MICAL2: variants seen among roughly 807,000 people sequenced by gnomAD.
MICAL2 encodes [F-actin]-monooxygenase MICAL2.
Under a neutral mutation model 127.3 loss-of-function variants are expected in MICAL2, and 77 were observed. The observed-to-expected ratio is 0.60, with a 90% CI of 0.50 to 0.73. MICAL2 has a LOEUF of 0.73. Among genes scored for constraint, MICAL2 ranks in the 30% least tolerant of loss-of-function variants. The probability of loss-of-function intolerance (pLI) is 0.00; values close to 1 mark genes in which losing one functional copy is unlikely to be tolerated. For synonymous variants in MICAL2, 570 were observed against 551.1 expected, an observed-to-expected ratio of 1.03 and a Z score of -0.48; for missense variants, 1,351 against 1,434.4, an observed-to-expected ratio of 0.94 and a Z score of 0.94.
intron 29 of MICAL2, among the ~76,000 whole-genome samples, chr11:12,302,498 A>C (rs1864058877): frequency 6.6e-6 from 1 of 152,008 alleles, no homozygotes; most frequent in Admixed American, 6.6e-5. Flanking sequence ...TTATGGTTTT[A>C]ATTTGCATTT....
chr11:12,341,704 G>A (rs1204837535), intron 32 of MICAL2, among the ~76,000 whole-genome samples: 1 of 152,114 alleles, frequency 6.6e-6, no homozygotes, highest in Non-Finnish European at 1.5e-5. Flanking sequence ...GCGCATGCCT[G>A]TAGTCCCAGC....
In MICAL2 at chr11:12,111,510, G is replaced by A. The variant is rs1048786091; in HGVS notation, c.-149+784G>A. Among the ~76,000 whole-genome samples, 2 of 152,272 alleles carry A rather than the reference G, an allele frequency of 1.3e-5. 1 individual carries two copies. Among genetic ancestry groups the A allele is most frequent in the Admixed American group, 1.3e-4 (2 of 15,290 alleles). On this transcript the variant is annotated intron_variant, in intron 1 of 27. Coordinates refer to ENST00000683283, the MANE Select transcript of MICAL2 (RefSeq NM_001282663.2). ...ATTGTATTCACCGCCAGCCTCACTG[G>A]CAGAGCTGGGAACGGCCTTTACTGG...
At chr11:12,160,280 C>T (rs750611262) in intron 2 of MICAL2, among the ~76,000 whole-genome samples, 5 of 152,200 alleles carry the variant, frequency 3.3e-5, no homozygotes, top group Non-Finnish European at 7.4e-5. Context: ...CTTCCCCCTT[C>T]TCTTCCGGCT....
chr11:12,349,962 G>A (rs1939019720), intron 33 of MICAL2: 3 of 1,603,058 alleles, frequency 1.9e-6, no homozygotes, highest in Non-Finnish European at 1.7e-6. Flanking sequence ...ACAGATACCA[G>A]CGAGTCCTAA....
chr11:12,309,046 A>G (rs1054019141), intron 29 of MICAL2, among the ~76,000 whole-genome samples: 2 of 152,018 alleles, frequency 1.3e-5, no homozygotes, highest in Non-Finnish European at 1.5e-5. Context: ...ACTTTTTTGT[A>G]TTTTTTACTT....
intron 1 of MICAL2, among the ~76,000 whole-genome samples, chr11:12,111,871 C>T (rs539115733): frequency 6.6e-6 from 1 of 152,302 alleles, no homozygotes; most frequent in Admixed American, 6.5e-5. Context: ...GCAGTCGACC[C>T]AACAAGTGGG....
In MICAL2 at chr11:12,242,364, C is replaced by G. The variant is rs765267484; in HGVS notation, c.2488C>G (p.Arg830Gly). ...AAATTTCGCTACCCTGCCTTCTACC[C>G]GCCCGAGGGCGCAGGCTCTTTCCGG... Reference protein sequence around the residue: ...TENFATLPSTRPRAQALSGVL... With the variant: ...TENFATLPSTGPRAQALSGVL... The change falls in exon 19 of 28, where the codon CGC becomes GGC. Residue 830 changes from arginine to glycine, a missense_variant. Coordinates refer to ENST00000683283, the MANE Select transcript of MICAL2 (RefSeq NM_001282663.2). 6.2e-6 allele frequency: 10 copies of G among 1,613,902 alleles called. No homozygotes were observed. In the African/African-American group the frequency reaches 1.2e-4, roughly 19 times the overall value.
chr11:12,110,908 A>G lies in MICAL2; in HGVS notation c.-149+182A>G, dbSNP rs112568722. Among the ~76,000 whole-genome samples the G allele has an allele frequency of 4.7e-4, 71 of 152,268 alleles. No homozygotes were observed. Among genetic ancestry groups the G allele is most frequent in the African/African-American group, 1.6e-3 (67 of 41,564 alleles). Reference sequence around the variant, plus strand: ...ACAGTGAGCAGGTGGCGCTGCGACGAAGCCCGGGGCGGCCCTGGCCGGCCT... The same window carrying G: ...ACAGTGAGCAGGTGGCGCTGCGACGGAGCCCGGGGCGGCCCTGGCCGGCCT... On this transcript the variant is annotated intron_variant, in intron 1 of 27. Transcript: ENST00000683283. This position sits in a 1 kb window ranked among gnomAD's most constrained non-coding sequence, Gnocchi z 4.5.
At chr11:12,325,607 A>C (rs2134850190) in intron 31 of MICAL2, among the ~76,000 whole-genome samples, 1 of 152,324 alleles carries the variant, frequency 6.6e-6, no homozygotes, top group South Asian at 2.1e-4. Context: ...TGCCTTCTTC[A>C]TGTGTCCTCA....
chr11:12,323,912 C>T (rs903213), intron 30 of MICAL2: 1,415,284 of 1,527,638 alleles, frequency 0.93, 656,010 homozygotes, highest in East Asian at 0.95. Flanking sequence ...AAGCCTATAA[C>T]GATATTTTGT....
At chr11:12,319,888 G>A (rs985872344) in intron 30 of MICAL2, 9 of 1,057,202 alleles carry the variant, frequency 8.5e-6, no homozygotes, top group Non-Finnish European at 1.3e-5. Flanking sequence ...AACCAATGTG[G>A]GCTCCAGCTG....
rs1183507630 is a variant in MICAL2, at chr11:12,242,308, C to A, written c.2432C>A (p.Ala811Asp). Residue 811 changes from alanine (A) to aspartate (D), a missense_variant, in exon 19 of 28, where the codon GCC (alanine) becomes GAC (aspartate). Physicochemically the swap from Ala to Asp is moderately radical, Grantham distance 126. This residue lies in a region of MICAL2 where 752 missense variants were observed against 719.4 expected (regional missense o/e 1.05). Coordinates refer to ENST00000683283, the MANE Select transcript of MICAL2 (RefSeq NM_001282663.2). Reference sequence around the variant, plus strand: ...CTGAGCAGACCTTGGAGAGCCAGAGCCAAGTCTGACCTACAGCTGGGTGGG... The same window carrying A: ...CTGAGCAGACCTTGGAGAGCCAGAGACAAGTCTGACCTACAGCTGGGTGGG... The part of the protein sequence containing the change: ...ECLSRPWRAR[A>D]KSDLQLGGTE... The A allele has an allele frequency of 1.2e-6, 2 of 1,614,154 alleles. 1 individual carries two copies. Among genetic ancestry groups the A allele is most frequent in the South Asian group, 2.2e-5 (2 of 91,076 alleles).
chr11:12,236,397 G>A (rs1245718668), intron 16 of MICAL2, 152 bp downstream of exon 16: 5 of 697,616 alleles, frequency 7.2e-6, no homozygotes, highest in Non-Finnish European at 1.3e-5. Context: ...AAACAGTTGG[G>A]GTTTTGGATC....
chr11:12,304,562 G>A (rs1335485787), intron 29 of MICAL2, among the ~76,000 whole-genome samples: 2 of 152,166 alleles, frequency 1.3e-5, no homozygotes, highest in East Asian at 3.9e-4. Context: ...TTGAACTTGG[G>A]AGACTGAGGT....
chr11:12,293,996 A>G, downstream of MICAL2: 2 of 1,614,158 alleles, frequency 1.2e-6, no homozygotes, highest in Non-Finnish European at 1.7e-6. Flanking sequence ...GGAGCAGAAG[A>G]CCATGTTGTT....
intron 33 of MICAL2, among the ~76,000 whole-genome samples, chr11:12,354,568 G>A (rs898903429): frequency 1.3e-5 from 2 of 152,242 alleles, no homozygotes; most frequent in South Asian, 2.1e-4. Context: ...GACCTGGGGG[G>A]CGAAGGTTGC....
At chr11:12,300,707 G>C (rs1239655173) in intron 29 of MICAL2, among the ~76,000 whole-genome samples, 2 of 152,164 alleles carry the variant, frequency 1.3e-5, no homozygotes, top group Non-Finnish European at 2.9e-5. Flanking sequence ...AGAGAACCCT[G>C]AGCTATAGAT....
At chr11:12,153,031 T>TTTG (rs1565049231) in intron 2 of MICAL2, among the ~76,000 whole-genome samples, 9 of 152,170 alleles carry the variant, frequency 5.9e-5, no homozygotes, top group African/African-American at 1.9e-4. Flanking sequence ...TTAACCTTTT[T>TTTG]TTTGTTTGTT....
chr11:12,334,211 G>A (rs1000964928), intron 32 of MICAL2, among the ~76,000 whole-genome samples: 1 of 152,136 alleles, frequency 6.6e-6, no homozygotes. Flanking sequence ...ACCAAAATTT[G>A]AGGATGCTCA....
Sources: allele counts gnomAD v4.1 joint callset (sites outside exome capture counted in the v4.1 genomes callset), GRCh38; gene constraint gnomAD v4.1.1; regional missense constraint gnomAD v4.1.1; non-coding constraint Gnocchi (gnomAD v3.1); transcripts MANE v1.5; gene names NCBI Gene and HGNC (gene_info 2026-07-23, HGNC 2026-07-21).